HECTD4: variants seen among roughly 807,000 people sequenced by gnomAD.
HECTD4 encodes HECT domain E3 ubiquitin protein ligase 4.
A neutral mutation model predicts 471.5 loss-of-function variants in HECTD4; 114 were observed. The observed-to-expected ratio is 0.24, with a 90% CI of 0.21 to 0.28. HECTD4 has a LOEUF of 0.28. HECTD4 is among the 10% of genes least tolerant of loss of function. The probability of loss-of-function intolerance (pLI) is 1.00; values close to 1 mark genes in which losing one functional copy is unlikely to be tolerated. For synonymous variants in HECTD4, 2,012 were observed against 2,256.0 expected (o/e 0.89, Z 3.07); for missense variants, 3,866 against 5,651.5 (o/e 0.68, Z 10.13).
chr12:112,239,900 A>C lies in HECTD4; in HGVS notation c.5086T>G (p.Cys1696Gly). 1 of 1,614,064 alleles carries C rather than the reference A, an allele frequency of 6.2e-7. No individual in the cohort carries two copies. Among genetic ancestry groups the C allele is most frequent in the South Asian group, 1.1e-5 (1 of 91,090 alleles). The part of the protein sequence containing the change: ...IACANSIGLL[C>G]TIPYTRSEEK... ...ACTTACCTGGTGTAAGGTATGGTAC[A>C]TAAGAGTCCAATGCTATTTGCGCAA... The change falls in exon 33 of 76, where the codon TGT becomes GGT. Residue 1696 changes from cysteine (C) to glycine (G), a missense_variant. Cys to Gly is a radical substitution (Grantham distance 159). This residue lies in a region of HECTD4 where 229 missense variants were observed against 386.4 expected (regional missense o/e 0.59). Coordinates refer to ENST00000682272, the MANE Select transcript of HECTD4 (RefSeq NM_001388303.1). This position sits in a 1 kb window ranked among gnomAD's most constrained non-coding sequence, Gnocchi z 4.9.
chr12:112,183,974 C>T (rs762438343), intron 61 of HECTD4, among the ~76,000 whole-genome samples: 1 of 152,346 alleles, frequency 6.6e-6, no homozygotes, highest in East Asian at 1.9e-4. Context: ...GCCCTGAGCC[C>T]TCTGGCTCCC....
chr12:112,298,679 T>C (rs1199435364), intron 7 of HECTD4, among the ~76,000 whole-genome samples: 1 of 151,536 alleles, frequency 6.6e-6, no homozygotes, highest in African/African-American at 2.4e-5. Flanking sequence ...GGTCAGGAGA[T>C]CAAGACCAGC....
At chr12:112,176,026 G>A (rs189791927) in intron 65 of HECTD4, among the ~76,000 whole-genome samples, 167 bp from the exon 66 acceptor site, 21 of 152,302 alleles carry the variant, frequency 1.4e-4, no homozygotes, top group Non-Finnish European at 2.1e-4. Context: ...GACCCACTGC[G>A]CACAGGATAC....
intron 1 of HECTD4, among the ~76,000 whole-genome samples, chr12:112,360,853 G>A (rs934577747): frequency 4.0e-5 from 6 of 151,696 alleles, no homozygotes; most frequent in East Asian, 1.9e-4. Context: ...GCATGGTGGC[G>A]CATGCCTATA....
chr12:112,270,901 C>T (rs2034399048), intron 11 of HECTD4, among the ~76,000 whole-genome samples: 1 of 152,160 alleles, frequency 6.6e-6, no homozygotes, highest in South Asian at 2.1e-4. Context: ...TCTCCATATC[C>T]TATGTCTGCT....
chr12:112,185,330 C>G lies in HECTD4; in HGVS notation c.9636G>C (p.Leu3212=). The G allele has an allele frequency of 1.3e-6, 2 of 1,590,300 alleles. No homozygotes were observed. Among genetic ancestry groups the G allele is most frequent in the Non-Finnish European group, 1.7e-6 (2 of 1,168,512 alleles). ...TGTGGAGCTCCGACTGCAAGGCCAT[C>G]AGCATGGCCAGGCAGGGGTTCAGCT... ...ALQLNPCLAM[L]MALQSELHKL... The change falls in exon 61 of 76, where the codon CTG becomes CTC. Residue 3212 remains leucine (L), a synonymous_variant. Transcript: ENST00000682272.
chr12:112,172,709 G>A lies in HECTD4; in HGVS notation c.11747C>T (p.Pro3916Leu), dbSNP rs1463232501. The A allele has an allele frequency of 1.9e-6, 3 of 1,613,936 alleles. No individual in the cohort carries two copies. Reference protein sequence around the residue: ...RLHPHEVYLDPADAADPRVAC... With the variant: ...RLHPHEVYLDLADAADPRVAC... Reference sequence around the variant, plus strand: ...CACTCTGGGGTCAGCAGCATCCGCGGGGTCCAGGTACACCTCATGGGGATG... The same window carrying A: ...CACTCTGGGGTCAGCAGCATCCGCGAGGTCCAGGTACACCTCATGGGGATG... The change falls in exon 67 of 76, where the codon CCC becomes CTC. Residue 3916 changes from proline to leucine, a missense_variant. Pro to Leu is a moderately conservative substitution (Grantham distance 98, BLOSUM62 -3). Coordinates refer to ENST00000682272, the MANE Select transcript of HECTD4 (RefSeq NM_001388303.1).
intron 32 of HECTD4, among the ~76,000 whole-genome samples, chr12:112,242,404 G>GA (rs889640861): frequency 6.6e-6 from 1 of 151,988 alleles, no homozygotes; most frequent in African/African-American, 2.4e-5. Context: ...CTTGAGCCCA[G>GA]AAATTTGAGA....
chr12:112,206,104 G>A (rs1395535698), intron 52 of HECTD4, among the ~76,000 whole-genome samples: 1 of 152,160 alleles, frequency 6.6e-6, no homozygotes, highest in African/African-American at 2.4e-5. Context: ...CAAAGACCTG[G>A]GAGGAAAAGC....
chr12:112,298,479 A>AT (rs2035091267), intron 7 of HECTD4, among the ~76,000 whole-genome samples: 1 of 140,922 alleles, frequency 7.1e-6, no homozygotes, highest in African/African-American at 2.7e-5. Flanking sequence ...AAATTATATT[A>AT]ATTTTTTTTT....
At chr12:112,344,685 G>A (rs1461821874) in intron 1 of HECTD4, among the ~76,000 whole-genome samples, 5 of 152,128 alleles carry the variant, frequency 3.3e-5, no homozygotes, top group African/African-American at 1.2e-4. Flanking sequence ...TTGGGAGCCT[G>A]AGGCAGGTGG....
intron 65 of HECTD4, 55 bp downstream of exon 65, chr12:112,176,541 G>C (rs1309536280): frequency 7.9e-7 from 1 of 1,259,932 alleles, no homozygotes; most frequent in Middle Eastern, 1.9e-4. Context: ...GGGGTGCCTA[G>C]TCTCCAGGAT....
At chr12:112,301,994 T>G in intron 7 of HECTD4, 4 of 893,880 alleles carry the variant, frequency 4.5e-6, no homozygotes, top group South Asian at 2.6e-5. Context: ...TCTGTCATTG[T>G]CATTGGTCCT....
intron 1 of HECTD4, among the ~76,000 whole-genome samples, chr12:112,324,046 C>T (rs1317485973): frequency 4.3e-5 from 2 of 46,446 alleles, no homozygotes; most frequent in Non-Finnish European, 6.5e-5. Context: ...TCCTTCCTTC[C>T]TTTCTTTCTT....
Position 112,184,895 on chromosome 12 carries a change from T to C in HECTD4, c.10071A>G (p.Ala3357=), listed in dbSNP as rs1202285135. Residue 3357 remains alanine (A), a synonymous_variant, in exon 61 of 76, where the codon GCA becomes GCG. Coordinates refer to ENST00000682272, the MANE Select transcript of HECTD4 (RefSeq NM_001388303.1). This position sits in a 1 kb window ranked among gnomAD's most constrained non-coding sequence, Gnocchi z 9.1. ...GGCGGAGGATGATGAGCAGGGTGAG[T>C]GCGCGGTGGAACCACAGCATGTCCT... is the stretch of plus-strand genomic sequence containing the variant. The part of the protein sequence containing the change: ...KPEDMLWFHR[A]LTLLIILRHL... 2 of 1,612,524 alleles carry C rather than the reference T, an allele frequency of 1.2e-6. No individual in the cohort carries two copies. The highest frequency in any genetic ancestry group is 1.7e-6 in the Non-Finnish European group (2 of 1,179,148).
chr12:112,232,889 G>A, intron 38 of HECTD4, 115 bp downstream of exon 38: 2 of 835,998 alleles, frequency 2.4e-6, no homozygotes, highest in Non-Finnish European at 3.8e-6. Flanking sequence ...TTCTCACCTT[G>A]CCTCTTCGTT....
intron 1 of HECTD4, among the ~76,000 whole-genome samples, chr12:112,352,795 C>G (rs1187155663): frequency 6.6e-6 from 1 of 151,860 alleles, no homozygotes; most frequent in African/African-American, 2.4e-5. Flanking sequence ...TTTGTAGAGA[C>G]AGAGTCTCGC....
At chr12:112,293,805 A>G (rs1325484518) in intron 7 of HECTD4, among the ~76,000 whole-genome samples, 1 of 152,250 alleles carries the variant, frequency 6.6e-6, no homozygotes, top group Non-Finnish European at 1.5e-5. Flanking sequence ...TCTGAGTTGT[A>G]TAACTATGTG....
At chr12:112,313,220 C>T (rs1264585586) in intron 3 of HECTD4, 73 bp from the exon 4 acceptor site, 1 of 1,321,014 alleles carries the variant, frequency 7.6e-7, no homozygotes, top group Admixed American at 2.9e-5. Context: ...CCTGCTACCC[C>T]AAAGAGTAGA....
Sources: gnomAD v4.1 joint callset for allele counts (sites outside exome capture counted in the v4.1 genomes callset) on GRCh38, gnomAD v4.1.1 for gene constraint, gnomAD v4.1.1 regional missense constraint, Gnocchi (gnomAD v3.1) non-coding constraint, MANE v1.5 for transcripts, NCBI Gene and HGNC (gene_info 2026-07-23, HGNC 2026-07-21) for gene names.